SYNM: variants seen among roughly 807,000 people sequenced by gnomAD.
SYNM encodes the protein synemin.
In SYNM, 95 loss-of-function variants were observed where a neutral mutation model predicts 104.0. That is an observed-to-expected ratio of 0.91 (90% CI 0.77 to 1.08). The LOEUF is 1.08. SYNM is among the 50% of genes least tolerant of loss of function. The pLI is 0.00. For missense variants in SYNM, 2,150 were observed against 2,052.2 expected (o/e 1.05, Z -0.92); for synonymous variants, 918 against 869.0 (o/e 1.06, Z -0.99).
chr15:99,133,021 A>G lies in SYNM; in HGVS notation c.4661A>G (p.Asp1554Gly). 1 of 1,613,934 alleles carries G rather than the reference A, an allele frequency of 6.2e-7. No homozygotes were observed. The highest frequency in any genetic ancestry group is 8.5e-7 in the Non-Finnish European group (1 of 1,179,908). ...AAGAAAGTTGCCCTCCTCTATCTAG[A>G]CAATGAGGAGGAGGAGAATGATGGG... ...DEKKVALLYLDNEEEENDGHW... is the reference protein window; with the variant it reads ...DEKKVALLYLGNEEEENDGHW... The change falls in exon 4 of 4, where the codon GAC (aspartate) becomes GGC (glycine). Residue 1554 changes from aspartate (D) to glycine (G), a missense_variant. Coordinates refer to ENST00000336292, the MANE Select transcript of SYNM (RefSeq NM_145728.3).
At chr15:99,140,921 C>T in the SYNM span, 3 of 152,060 alleles carry the variant, frequency 2.0e-5, no homozygotes, top group Admixed American at 6.5e-5. Context: ...CAAACCAAAA[C>T]CTCTCAATAG....
rs181760065 is a variant in SYNM at position 99,133,100 on chromosome 15, G to T, written c.*42G>T. The T allele has an allele frequency of 1.2e-6, 2 of 1,600,636 alleles. No homozygotes were observed. Among genetic ancestry groups the T allele is most frequent in the African/African-American group, 1.3e-5 (1 of 74,868 alleles). ...GTTTTAATGGCAGCCTGTTGGCGAC[G>T]TGCCAACATCCAAAGGCCTTAACTT... On this transcript the variant is annotated 3_prime_UTR_variant, in exon 4 of 4. Coordinates refer to ENST00000336292, the MANE Select transcript of SYNM (RefSeq NM_145728.3).
downstream of SYNM, chr15:99,139,834 C>T: frequency 9.7e-7 from 1 of 1,026,832 alleles, no homozygotes; most frequent in Non-Finnish European, 1.3e-6. Flanking sequence ...CTCTTGACTA[C>T]ACAGCAATGT....
intron 1 of SYNM, among the ~76,000 whole-genome samples, chr15:99,107,664 G>C (rs1340445491): frequency 6.6e-6 from 1 of 152,198 alleles, no homozygotes; most frequent in Non-Finnish European, 1.5e-5. Context: ...AGTGGAACTC[G>C]TAATGTGAGC....
chr15:99,111,970 A>T (rs2067303389), intron 1 of SYNM, among the ~76,000 whole-genome samples: 1 of 152,158 alleles, frequency 6.6e-6, no homozygotes, highest in Admixed American at 6.5e-5. Flanking sequence ...AATCACTTGA[A>T]CCTGGGAGGT....
rs2067531489 is a variant in SYNM, at chr15:99,133,157, C to T, written c.*99C>T. On this transcript the variant is annotated 3_prime_UTR_variant, in exon 4 of 4. Coordinates refer to ENST00000336292, the MANE Select transcript of SYNM (RefSeq NM_145728.3). Reference sequence around the variant, plus strand: ...AGAGGCCGAGGGAGTCTATGAAAATCTCCCCTTTTTTACTTTTTTAAAGAG... The same window carrying T: ...AGAGGCCGAGGGAGTCTATGAAAATTTCCCCTTTTTTACTTTTTTAAAGAG... The T allele has an allele frequency of 6.6e-7, 1 of 1,523,046 alleles. No homozygotes were observed. Among genetic ancestry groups the T allele is most frequent in the South Asian group, 1.2e-5 (1 of 80,076 alleles). 94.3% of individuals were successfully genotyped at this position (1,523,046 alleles called of 1,614,324 possible). A position where few individuals can be genotyped will look rare whatever the true frequency, so the allele number is the denominator to read the frequency against.
Position 99,134,060 on chromosome 15 carries a change from C to T in SYNM, c.*1002C>T, listed in dbSNP as rs2067539980. 6.6e-6 allele frequency: 1 copy of T among 152,138 alleles called. No individual in the cohort carries two copies. Among genetic ancestry groups the T allele is most frequent in the Non-Finnish European group, 1.5e-5 (1 of 68,024 alleles). The allele number at this position is 152,138 out of a possible 1,614,324, so 9.4% of individuals were successfully genotyped here. On this transcript the variant is annotated 3_prime_UTR_variant, in exon 4 of 4. Coordinates refer to ENST00000336292, the MANE Select transcript of SYNM (RefSeq NM_145728.3). The stretch of plus-strand genomic sequence containing the variant: ...TGCCTCTTAAAGATGCCTTTCCCAA[C>T]CCTCCATTCATGGGATGCAGGTCTT...
downstream of SYNM, among the ~76,000 whole-genome samples, chr15:99,138,979 C>T (rs935024936): frequency 1.1e-4 from 16 of 152,196 alleles, no homozygotes; most frequent in South Asian, 4.1e-4. Context: ...GACGGGCATC[C>T]GAGGGCAGAG....
At chr15:99,106,106 G>A (rs1405618744) in intron 1 of SYNM, 97 bp downstream of exon 1, 2 of 1,269,904 alleles carry the variant, frequency 1.6e-6, no homozygotes, top group Non-Finnish European at 1.0e-6. Context: ...TTCACCAGGG[G>A]CGCGGCGTCG....
At chr15:99,118,234 G>A (rs1670237) in intron 2 of SYNM, among the ~76,000 whole-genome samples, 57,646 of 152,178 alleles carry the variant, frequency 0.38, 11,034 homozygotes, top group Middle Eastern at 0.49. Flanking sequence ...ACCAGTGCAT[G>A]TCTGGAAGAC....
chr15:99,119,400 C>A (rs544689883), intron 2 of SYNM, among the ~76,000 whole-genome samples: 1 of 152,176 alleles, frequency 6.6e-6, no homozygotes, highest in Non-Finnish European at 1.5e-5. Context: ...CCAGGTGATT[C>A]GTGCGCACAC....
downstream of SYNM, chr15:99,137,779 A>C: frequency 1.7e-6 from 1 of 605,596 alleles, no homozygotes; most frequent in Non-Finnish European, 2.7e-6. Flanking sequence ...AAGAAAAACC[A>C]CTTAGGTGAT....
chr15:99,115,469 A>ATT lies in SYNM; in HGVS notation c.935+1766_935+1767dup, dbSNP rs60387897. ...ATTTTAATTTTATTTATTTTATTCT[A>ATT]TTTTTTTTTTTTTGAGATGGAGTCT... On this transcript the variant is annotated intron_variant, in intron 2 of 3. Coordinates refer to ENST00000336292, the MANE Select transcript of SYNM (RefSeq NM_145728.3). Among the ~76,000 whole-genome samples the ATT allele has an allele frequency of 2.3e-3, 295 of 129,988 alleles. 2 individuals are homozygous for ATT. The highest frequency in any genetic ancestry group is 4.6e-3 in the African/African-American group (158 of 34,010). 85.3% of individuals were successfully genotyped at this position (129,988 alleles called of 152,430 possible). A position where few individuals can be genotyped will look rare whatever the true frequency, so the allele number is the denominator to read the frequency against.
rs1289510446 is a variant in SYNM at position 99,125,990 on chromosome 15, G to T, written c.936-732G>T. ...ACTTCTATAATTTTAGAACTTTGGC[G>T]CAGACATAGTCAAAGAAATCACCTT... On this transcript the variant is annotated intron_variant, in intron 2 of 3. Transcript: ENST00000336292. 1.3e-5 allele frequency among the ~76,000 whole-genome samples: 2 copies of T among 152,148 alleles called. 1 individual carries two copies. Among genetic ancestry groups the T allele is most frequent in the South Asian group, 4.1e-4 (2 of 4,820 alleles).
Position 99,105,453 on chromosome 15 carries a change from G to A in SYNM, c.254G>A (p.Arg85Gln), listed in dbSNP as rs1372997593. The A allele has an allele frequency of 2.8e-6, 4 of 1,422,214 alleles. No individual in the cohort carries two copies. In the Admixed American group the frequency reaches 1.1e-4, roughly 40 times the overall value. The allele number at this position is 1,422,214 out of a possible 1,614,324, so 88.1% of individuals were successfully genotyped here. ...GCCACTGCGCTGGCGGAGGGCGAGC[G>A]GGACGCTCTGCGGCGCGAGCTGCGG... ...SWATALAEGE[R>Q]DALRRELREL... Residue 85 changes from arginine to glutamine, a missense_variant, in exon 1 of 4, where the codon CGG becomes CAG. By Grantham distance (43) the Arg-to-Gln change is conservative (BLOSUM62 1). Coordinates refer to ENST00000336292, the MANE Select transcript of SYNM (RefSeq NM_145728.3).
intron 2 of SYNM, among the ~76,000 whole-genome samples, chr15:99,123,480 G>A (rs962981555): frequency 5.9e-5 from 9 of 152,160 alleles, no homozygotes; most frequent in South Asian, 2.1e-4. Flanking sequence ...CTGGTCATGG[G>A]AATGGAACTC....
intron 2 of SYNM, among the ~76,000 whole-genome samples, chr15:99,125,793 C>T (rs1555484949): frequency 6.6e-6 from 1 of 152,200 alleles, no homozygotes; most frequent in Non-Finnish European, 1.5e-5. Flanking sequence ...ACATGTTGCT[C>T]TAGCAACTGA....
At chr15:99,113,852 GC>G in intron 2 of SYNM, 137 bp downstream of exon 2, 1 of 1,342,406 alleles carries the variant, frequency 7.4e-7, no homozygotes, top group Non-Finnish European at 1.0e-6. Context: ...CCTTGGCATG[GC>G]CAGGCAAGGA....
chr15:99,107,957 TTTTTGGTTTTGG>T (rs1338328394), intron 1 of SYNM, among the ~76,000 whole-genome samples: 2,211 of 132,260 alleles, frequency 0.017, 57 homozygotes, highest in African/African-American at 0.069. Flanking sequence ...TTTTGTTTTT[TTTTTGGTTTTGG>T]TTTTGGTTTT....
Sources: allele counts gnomAD v4.1 joint callset (sites outside exome capture counted in the v4.1 genomes callset), GRCh38; gene constraint gnomAD v4.1.1; transcripts MANE v1.5; gene names NCBI Gene and HGNC (gene_info 2026-07-23, HGNC 2026-07-21).